Variants in TBC1D1 observed in about 807,000 individuals in gnomAD.
TBC1D1 encodes TBC1 domain family member 1.
In TBC1D1, 89 loss-of-function variants were observed where a neutral mutation model predicts 125.6. The observed-to-expected ratio is 0.71, with a 90% CI of 0.60 to 0.85. TBC1D1 has a LOEUF of 0.85. TBC1D1 is among the 40% of genes least tolerant of loss of function. The pLI, the probability that TBC1D1 is intolerant of heterozygous loss-of-function variation, is 0.00. For synonymous variants in TBC1D1, 565 were observed against 564.1 expected, an observed-to-expected ratio of 1.00 and a Z score of -0.02; for missense variants, 1,377 against 1,469.2, an observed-to-expected ratio of 0.94 and a Z score of 1.03.
rs553370674 is a variant in TBC1D1, at chr4:38,138,318, A to G, written c.*983A>G. On this transcript the variant is annotated 3_prime_UTR_variant, in exon 20 of 20. Transcript: ENST00000261439. ...TGTGGTAGTTTCATACCCATACTAT[A>G]GAGTCATGTATTTATTTTTGCCTGT... 1.3e-5 allele frequency: 2 copies of G among 152,282 alleles called. No homozygotes were observed. The highest frequency in any genetic ancestry group is 2.9e-5 in the Non-Finnish European group (2 of 68,014). 9.4% of individuals were successfully genotyped at this position (152,282 alleles called of 1,614,324 possible).
rs556482543 is a variant in TBC1D1 at position 38,110,429 on chromosome 4, G to A, written c.2558-5281G>A. On this transcript the variant is annotated intron_variant, in intron 15 of 19. Coordinates refer to ENST00000261439, the MANE Select transcript of TBC1D1 (RefSeq NM_015173.4). ...TGGGTGAAGGCTCTTCCCCCTCCAA[G>A]TGATAAAGAAGGAAAAGATTGATCC... is the stretch of plus-strand genomic sequence containing the variant. The A allele has an allele frequency of 1.1e-4, 108 of 985,412 alleles. 2 individuals carry two copies. The South Asian group carries it at 4.2e-3, about 38-fold the overall frequency. 61.0% of individuals were successfully genotyped at this position (985,412 alleles called of 1,614,324 possible). A position where few individuals can be genotyped will look rare whatever the true frequency, so the allele number is the denominator to read the frequency against.
At chr4:38,122,826 G>T (rs1764067443) in intron 17 of TBC1D1, among the ~76,000 whole-genome samples, 1 of 152,172 alleles carries the variant, frequency 6.6e-6, no homozygotes, top group Non-Finnish European at 1.5e-5. Context: ...AATACAAACA[G>T]ATATAATAAA....
Position 38,133,252 on chromosome 4 carries a change from T to C in TBC1D1, c.3301T>C (p.Leu1101=). 6.2e-7 allele frequency: 1 copy of C among 1,611,960 alleles called. No individual in the cohort carries two copies. The highest frequency in any genetic ancestry group is 2.2e-5 in the East Asian group (1 of 44,856). Reference sequence around the variant, plus strand: ...ACAGAACCTTGACCTCCTTGAACAGTTGCAGGTAGAGCATATTTATAAAGC... The same window carrying C: ...ACAGAACCTTGACCTCCTTGAACAGCTGCAGGTAGAGCATATTTATAAAGC... Residue 1101 remains leucine (L), a synonymous_variant, in exon 19 of 20, where the codon TTG becomes CTG. Coordinates refer to ENST00000261439, the MANE Select transcript of TBC1D1 (RefSeq NM_015173.4).
intron 2 of TBC1D1, among the ~76,000 whole-genome samples, chr4:37,957,024 A>T (rs747762298): frequency 5.3e-5 from 8 of 152,066 alleles, no homozygotes; most frequent in Non-Finnish European, 1.0e-4. Flanking sequence ...AAACTTAAAG[A>T]ATTACTCCTA....
intron 18 of TBC1D1, among the ~76,000 whole-genome samples, chr4:38,130,082 C>T (rs1196228975): frequency 6.6e-6 from 1 of 152,204 alleles, no homozygotes; most frequent in Non-Finnish European, 1.5e-5. Flanking sequence ...AGACTTGTCA[C>T]TTATAATAAC....
chr4:38,086,614 C>G (rs1173832495), intron 12 of TBC1D1, among the ~76,000 whole-genome samples: 1 of 152,200 alleles, frequency 6.6e-6, no homozygotes, highest in Non-Finnish European at 1.5e-5. Context: ...AAGCTCCTGC[C>G]ATGTGTTGAG....
chr4:37,902,565 G>T lies in TBC1D1; in HGVS notation c.417+53G>T, dbSNP rs1187261568. ...AAGGTGTGGCTGGCTGGTTTTTATT[G>T]TATGGGGGTCAGGATATTTATTTTA... On this transcript the variant is annotated intron_variant, in intron 2 of 19. Coordinates refer to ENST00000261439, the MANE Select transcript of TBC1D1 (RefSeq NM_015173.4). 4.4e-6 allele frequency: 6 copies of T among 1,377,194 alleles called. No individual in the cohort carries two copies. In the African/African-American group the frequency reaches 8.6e-5, roughly 20 times the overall value. 85.3% of individuals were successfully genotyped at this position (1,377,194 alleles called of 1,614,324 possible).
intron 8 of TBC1D1, among the ~76,000 whole-genome samples, chr4:38,037,258 T>C (rs953428670): frequency 2.6e-4 from 39 of 151,860 alleles, no homozygotes; most frequent in African/African-American, 9.4e-4. Context: ...GATCATCCAA[T>C]GGAGAAATGT....
chr4:38,131,394 G>A (rs1765562423), intron 18 of TBC1D1, among the ~76,000 whole-genome samples: 1 of 152,202 alleles, frequency 6.6e-6, no homozygotes. Flanking sequence ...GGTTTTTACT[G>A]TTCAGACTAT....
Position 38,118,033 on chromosome 4 carries a change from A to C in TBC1D1, c.2803A>C (p.Ile935Leu). 6.2e-7 allele frequency: 1 copy of C among 1,613,974 alleles called. No homozygotes were observed. The highest frequency in any genetic ancestry group is 8.5e-7 in the Non-Finnish European group (1 of 1,179,938). Residue 935 changes from isoleucine to leucine, a missense_variant and splice_region_variant, in exon 17 of 20, where the codon ATC becomes CTC. Transcript: ENST00000261439. ...AGCCCTTGTGGCTGTCTTCCTGCAG[A>C]TCCAGATGTACCAGCTCTCGAGGTT...
At chr4:38,105,031 A>G (rs907998420) in intron 15 of TBC1D1, among the ~76,000 whole-genome samples, 3 of 152,172 alleles carry the variant, frequency 2.0e-5, no homozygotes, top group African/African-American at 7.2e-5. Flanking sequence ...CTGGGATTAC[A>G]GGCGTGAGCC....
At chr4:38,081,596 G>T (rs947444478) in intron 12 of TBC1D1, among the ~76,000 whole-genome samples, 18 of 152,036 alleles carry the variant, frequency 1.2e-4, no homozygotes, top group African/African-American at 4.4e-4. Context: ...GCAACAGAAA[G>T]ATTTTGCCAA....
intron 2 of TBC1D1, among the ~76,000 whole-genome samples, chr4:37,903,402 G>GCTAA (rs1230053810): frequency 2.6e-5 from 4 of 152,192 alleles, no homozygotes; most frequent in African/African-American, 9.7e-5. Context: ...GGGCTCCACA[G>GCTAA]CTAACCCCAT....
intron 17 of TBC1D1, among the ~76,000 whole-genome samples, chr4:38,124,467 T>C (rs1764329588): frequency 6.6e-6 from 1 of 152,250 alleles, no homozygotes. Context: ...AGTAAACTTG[T>C]ATTTAACAAA....
At position 38,136,089 on chromosome 4, in the gene TBC1D1, C is replaced by T. The variant is rs375778303; in HGVS notation, c.3307-1046C>T. On this transcript the variant is annotated intron_variant, in intron 19 of 19. Coordinates refer to ENST00000261439, the MANE Select transcript of TBC1D1 (RefSeq NM_015173.4). ...GCTGGGGAACAGGTCAGAAAGGCCT[C>T]AGGGACATCAGCATACATGTTGGAG... Among the ~76,000 whole-genome samples the T allele has an allele frequency of 1.2e-4, 19 of 152,200 alleles. No homozygotes were observed. The East Asian group carries it at 2.9e-3, about 23-fold the overall frequency.
rs369081896 is a variant in TBC1D1 at position 38,054,313 on chromosome 4, G to C, written c.2025G>C (p.Ala675=). The change falls in exon 12 of 20, where the codon GCG becomes GCC. Residue 675 remains alanine (A), a synonymous_variant. Transcript: ENST00000261439. Reference sequence around the variant, plus strand: ...TCCGAGTAGCCACCCCGCAGAAGGCGTGCGATTCTTCCAGCAGATATGAAG... The same window carrying C: ...TCCGAGTAGCCACCCCGCAGAAGGCCTGCGATTCTTCCAGCAGATATGAAG... 7 of 1,614,154 alleles carry C rather than the reference G, an allele frequency of 4.3e-6. No individual in the cohort carries two copies. The highest frequency in any genetic ancestry group is 5.9e-6 in the Non-Finnish European group (7 of 1,180,018).
At chr4:38,108,297 A>G (rs899283147) in intron 15 of TBC1D1, among the ~76,000 whole-genome samples, 2 of 152,170 alleles carry the variant, frequency 1.3e-5, no homozygotes, top group Admixed American at 6.5e-5. Flanking sequence ...CTTTCCAGCC[A>G]TCAGCTGCAT....
chr4:38,102,945 A>G, intron 14 of TBC1D1, 54 bp from the exon 17 acceptor site: 1 of 1,496,128 alleles, frequency 6.7e-7, no homozygotes, highest in Non-Finnish European at 9.0e-7. Flanking sequence ...CATTTTTATT[A>G]TTAAGTTGTA....
In TBC1D1 at chr4:38,113,690, A is replaced by G. The variant is rs116963379; in HGVS notation, c.2558-2020A>G. On this transcript the variant is annotated intron_variant, in intron 15 of 19. Coordinates refer to ENST00000261439, the MANE Select transcript of TBC1D1 (RefSeq NM_015173.4). Reference sequence around the variant, plus strand: ...TGGCAAGGGTAATGGAATGAAAGAGATTGTGAATATTTTTGAGACTATGAG... The same window carrying G: ...TGGCAAGGGTAATGGAATGAAAGAGGTTGTGAATATTTTTGAGACTATGAG... 4.3e-4 allele frequency among the ~76,000 whole-genome samples: 66 copies of G among 152,160 alleles called. 1 individual carries two copies. The East Asian group carries it at 0.012, about 27-fold the overall frequency.
Sources: allele counts gnomAD v4.1 joint callset (sites outside exome capture counted in the v4.1 genomes callset), GRCh38; gene constraint gnomAD v4.1.1; transcripts MANE v1.5; gene names NCBI Gene and HGNC (gene_info 2026-07-23, HGNC 2026-07-21).